The following PRRX2 variants were observed in gnomAD, a reference collection of about 807,000 sequenced individuals.
PRRX2 encodes the protein paired related homeobox 2.
Under a neutral mutation model 18.0 loss-of-function variants are expected in PRRX2, and 11 were observed. The observed-to-expected ratio is 0.61, with a 90% CI of 0.39 to 1.01. The LOEUF is 1.01. Ranked by LOEUF, PRRX2 falls within the 50% of genes least tolerant of loss-of-function variation. The pLI is 0.01. For missense variants in PRRX2, 387 were observed against 351.0 expected, an observed-to-expected ratio of 1.10 and a Z score of -0.82; for synonymous variants, 177 against 154.8, an observed-to-expected ratio of 1.14 and a Z score of -1.06.
At position 129,690,494 on chromosome 9, in the gene PRRX2, G is replaced by A. The variant is rs114344253; in HGVS notation, c.259+24368G>A. 5.2e-3 allele frequency among the ~76,000 whole-genome samples: 773 copies of A among 149,868 alleles called. 10 individuals are homozygous for A. The highest frequency in any genetic ancestry group is 0.018 in the African/African-American group (713 of 40,384). ...CAGACATGACTAGCACCATAAGTACGGTGCCAGCTCTTTTTTTTTTTTTTT... is the reference window on the plus strand; with the variant it reads ...CAGACATGACTAGCACCATAAGTACAGTGCCAGCTCTTTTTTTTTTTTTTT... On this transcript the variant is annotated intron_variant, in intron 1 of 3. Coordinates refer to ENST00000372469, the MANE Select transcript of PRRX2 (RefSeq NM_016307.4).
intron 1 of PRRX2, among the ~76,000 whole-genome samples, chr9:129,672,036 C>A (rs1244788560): frequency 2.0e-5 from 3 of 152,082 alleles, no homozygotes; most frequent in Non-Finnish European, 4.4e-5. Flanking sequence ...GTGGCTTGTC[C>A]CAGGCAAGAA....
At chr9:129,684,725 G>A (rs1157680522) in intron 1 of PRRX2, among the ~76,000 whole-genome samples, 1 of 152,150 alleles carries the variant, frequency 6.6e-6, no homozygotes, top group Non-Finnish European at 1.5e-5. Flanking sequence ...TCCACGTGGT[G>A]CTCCTGGGTG....
In PRRX2 at chr9:129,693,070, GTTCTGGA is replaced by G. The variant is rs1265653419; in HGVS notation, c.260-26154_260-26148del. 2.0e-5 allele frequency among the ~76,000 whole-genome samples: 3 copies of G among 152,288 alleles called. No individual in the cohort carries two copies. The East Asian group carries it at 5.8e-4, about 29-fold the overall frequency. On this transcript the variant is annotated intron_variant, in intron 1 of 3. Transcript: ENST00000372469. ...TCTTCGCCAGCATTTGGTTGTCAGT[GTTCTGGA>G]TTCTGGGCATTCTAATAGCCGTGTG... is the stretch of plus-strand genomic sequence containing the variant.
At chr9:129,677,907 GTTGCTGTTGCAGCAAATT>G (rs1440909401) in intron 1 of PRRX2, among the ~76,000 whole-genome samples, 8 of 150,570 alleles carry the variant, frequency 5.3e-5, no homozygotes, top group Non-Finnish European at 1.0e-4. Context: ...AAAGAAAACT[GTTGCTGTTGCAGCAAATT>G]TAAGGCTGCG....
chr9:129,720,511 G>A, intron 2 of PRRX2, 85 bp from the exon 3 acceptor site: 1 of 1,341,094 alleles, frequency 7.5e-7, no homozygotes, highest in East Asian at 2.5e-5. Flanking sequence ...CCCTGGGCTG[G>A]TGACAGAGCA....
intron 1 of PRRX2, among the ~76,000 whole-genome samples, chr9:129,704,641 C>T (rs970541393): frequency 5.9e-5 from 9 of 152,222 alleles, no homozygotes; most frequent in Non-Finnish European, 1.2e-4. Context: ...GCTGTGAGTG[C>T]GTGGCCGAGT....
intron 1 of PRRX2, among the ~76,000 whole-genome samples, chr9:129,682,633 C>G (rs1038318583): frequency 6.6e-6 from 1 of 152,220 alleles, no homozygotes; most frequent in South Asian, 2.1e-4. Context: ...TCTCCACCCC[C>G]TCTCAGCAAT....
At chr9:129,678,957 G>T (rs1832194167) in intron 1 of PRRX2, among the ~76,000 whole-genome samples, 2 of 152,312 alleles carry the variant, frequency 1.3e-5, no homozygotes, top group South Asian at 4.1e-4. Context: ...GCTGCCGTGA[G>T]ACCTGCACTG....
At chr9:129,697,201 C>T (rs1387189746) in intron 1 of PRRX2, among the ~76,000 whole-genome samples, 5 of 152,180 alleles carry the variant, frequency 3.3e-5, no homozygotes, top group Non-Finnish European at 7.4e-5. Context: ...TAGGAAAGAG[C>T]AGTCAGTCCT....
Position 129,720,738 on chromosome 9 carries a change from C to G in PRRX2, c.590C>G (p.Pro197Arg). Residue 197 changes from proline (P) to arginine (R), a missense_variant, in exon 3 of 4, where the codon CCA becomes CGA. Physicochemically the swap from Pro to Arg is moderately radical, Grantham distance 103 (BLOSUM62 -2). Coordinates refer to ENST00000372469, the MANE Select transcript of PRRX2 (RefSeq NM_016307.4). ...GCTCCCCGGCCCACCGCCCTGAGTC[C>G]AGATTATCTCTCCTGGACAGCCTCG... Reference protein sequence around the residue: ...PVAPRPTALSPDYLSWTASSP... With the variant: ...PVAPRPTALSRDYLSWTASSP... 6.2e-7 allele frequency: 1 copy of G among 1,610,706 alleles called. No individual in the cohort carries two copies. Among genetic ancestry groups the G allele is most frequent in the Non-Finnish European group, 8.5e-7 (1 of 1,178,524 alleles).
chr9:129,666,386 G>C (rs1832023159), intron 1 of PRRX2, among the ~76,000 whole-genome samples: 1 of 152,156 alleles, frequency 6.6e-6, no homozygotes, highest in Non-Finnish European at 1.5e-5. Context: ...TTCGGCTCCC[G>C]AACAGCCTGG....
Position 129,665,930 on chromosome 9 carries a change from G to T in PRRX2, c.63G>T (p.Pro21=). 1 of 1,119,692 alleles carries T rather than the reference G, an allele frequency of 8.9e-7. No individual in the cohort carries two copies. Among genetic ancestry groups the T allele is most frequent in the Admixed American group, 4.8e-5 (1 of 20,654 alleles). 69.4% of individuals were successfully genotyped at this position (1,119,692 alleles called of 1,614,324 possible). The part of the protein sequence containing the change: ...DKPALGPGPP[P]PPPALGPGDC... ...CGGCGCTGGGCCCGGGGCCGCCGCC[G>T]CCTCCACCCGCGCTGGGGCCCGGCG... The change falls in exon 1 of 4, where the codon CCG becomes CCT. Residue 21 remains proline, a synonymous_variant. Transcript: ENST00000372469. This position sits in a 1 kb window ranked among gnomAD's most constrained non-coding sequence, Gnocchi z 5.3.
intron 1 of PRRX2, among the ~76,000 whole-genome samples, chr9:129,710,507 G>T (rs1832605818): frequency 6.6e-6 from 1 of 152,204 alleles, no homozygotes. Context: ...GCTGAGGCGG[G>T]TGGACCACAA....
At chr9:129,696,766 G>A (rs1245940949) in intron 1 of PRRX2, among the ~76,000 whole-genome samples, 1 of 152,172 alleles carries the variant, frequency 6.6e-6, no homozygotes, top group Non-Finnish European at 1.5e-5. Flanking sequence ...TTGGGTGGGA[G>A]GACCCTCGCT....
intron 1 of PRRX2, among the ~76,000 whole-genome samples, chr9:129,711,500 G>A (rs1420822951): frequency 2.7e-5 from 4 of 147,718 alleles, no homozygotes; most frequent in African/African-American, 1.0e-4. Context: ...CCACCTCCCG[G>A]GTTTAAGCAA....
intron 3 of PRRX2, 63 bp from the exon 4 acceptor site, chr9:129,722,154 G>A: frequency 6.3e-7 from 1 of 1,576,150 alleles, no homozygotes; most frequent in African/African-American, 1.3e-5. Context: ...AGAGGCTGGG[G>A]TCGAGCACTG....
intron 2 of PRRX2, among the ~76,000 whole-genome samples, chr9:129,720,069 A>G (rs1832769117): frequency 1.4e-5 from 2 of 146,412 alleles, no homozygotes; most frequent in African/African-American, 5.5e-5. Context: ...GGGTTCTGAT[A>G]AAGAAGTCCT....
rs1832587992 is a variant in PRRX2 at position 129,709,002 on chromosome 9, G to A, written c.260-10229G>A. ...GTTTTAGTTAATTGCAGATGTGCAG[G>A]AGAGGGAGAAGGCCTAGGAGTCCAT... On this transcript the variant is annotated intron_variant, in intron 1 of 3. Transcript: ENST00000372469. This position sits in a 1 kb window ranked among gnomAD's most constrained non-coding sequence, Gnocchi z 4.2. Among the ~76,000 whole-genome samples, 1 of 152,246 alleles carries A rather than the reference G, an allele frequency of 6.6e-6. No homozygotes were observed. The highest frequency in any genetic ancestry group is 2.1e-4 in the South Asian group (1 of 4,830).
intron 1 of PRRX2, among the ~76,000 whole-genome samples, chr9:129,686,070 G>C (rs1293915199): frequency 6.6e-6 from 1 of 152,234 alleles, no homozygotes; most frequent in Non-Finnish European, 1.5e-5. Context: ...TGCAAAGACT[G>C]GAAGTAGCAG....
Sources: gnomAD v4.1 joint callset for allele counts (sites outside exome capture counted in the v4.1 genomes callset) on GRCh38, gnomAD v4.1.1 for gene constraint, Gnocchi (gnomAD v3.1) non-coding constraint, MANE v1.5 for transcripts, NCBI Gene and HGNC (gene_info 2026-07-23, HGNC 2026-07-21) for gene names.